The following ABCD3 variants were observed in gnomAD, a reference collection of about 807,000 sequenced individuals.
The protein encoded by ABCD3 is ATP binding cassette subfamily D member 3, also known as ATP-binding cassette sub-family D member 3.
ABCD3 carries 41 observed loss-of-function variants against 105.5 expected under a neutral mutation model. The observed-to-expected ratio is 0.39, with a 90% confidence interval of 0.30 to 0.50. The LOEUF is 0.50. Among genes scored for constraint, ABCD3 ranks in the 20% least tolerant of loss-of-function variants. The probability of loss-of-function intolerance (pLI) is 0.84; values close to 1 mark genes in which losing one functional copy is unlikely to be tolerated. For missense variants in ABCD3, 622 were observed against 806.3 expected, an observed-to-expected ratio of 0.77 and a Z score of 2.77; for synonymous variants, 258 against 269.0, an observed-to-expected ratio of 0.96 and a Z score of 0.40.
At chr1:94,425,100 C>A (rs1418605212) in intron 1 of ABCD3, among the ~76,000 whole-genome samples, 1 of 152,070 alleles carries the variant, frequency 6.6e-6, no homozygotes. Context: ...ACCACTTATA[C>A]CCCCTATATG....
chr1:94,501,098 C>T (rs1342436489), intron 20 of ABCD3, among the ~76,000 whole-genome samples: 1 of 151,672 alleles, frequency 6.6e-6, no homozygotes, highest in Non-Finnish European at 1.5e-5. Context: ...TATAAAAGTA[C>T]AGGAGGGATA....
rs527591181 is a variant in ABCD3 at position 94,478,838 on chromosome 1, C to T, written c.684+523C>T. On this transcript the variant is annotated intron_variant, in intron 8 of 22. Coordinates refer to ENST00000370214, the MANE Select transcript of ABCD3 (RefSeq NM_002858.4). ...TACATTTAGAGTGGGTGTAACAGTT[C>T]CAAGAATATTTTATAATGTAAATGG... The T allele has an allele frequency of 3.5e-5, 11 of 313,082 alleles. No homozygotes were observed. The South Asian group carries it at 1.5e-3, about 43-fold the overall frequency. 19.4% of individuals were successfully genotyped at this position (313,082 alleles called of 1,614,324 possible).
At chr1:94,422,534 C>A (rs1380620784) in intron 1 of ABCD3, among the ~76,000 whole-genome samples, 2 of 152,190 alleles carry the variant, frequency 1.3e-5, no homozygotes, top group Non-Finnish European at 2.9e-5. Flanking sequence ...CTAGCACTTA[C>A]CATTCTGTAT....
At chr1:94,412,172 A>T in the ABCD3 span, among the ~76,000 whole-genome samples, 23 of 152,248 alleles carry the variant, frequency 1.5e-4, no homozygotes, top group African/African-American at 2.6e-4. Context: ...CATTAAAAAA[A>T]TTTTTTTGAT....
At chr1:94,417,415 C>G (rs892416335), upstream of ABCD3, among the ~76,000 whole-genome samples, 2 of 152,206 alleles carry the variant, frequency 1.3e-5, no homozygotes, top group African/African-American at 4.8e-5. Flanking sequence ...TTGCTTTTCT[C>G]CAGTTTCCTC....
At chr1:94,416,572 C>A (rs574583241), upstream of ABCD3, among the ~76,000 whole-genome samples, 15 of 152,266 alleles carry the variant, frequency 9.9e-5, no homozygotes, top group African/African-American at 3.6e-4. Flanking sequence ...GTCTCAGTAG[C>A]AAAAGTTCTC....
At chr1:94,439,569 G>A (rs1570747301) in intron 1 of ABCD3, among the ~76,000 whole-genome samples, 1 of 152,232 alleles carries the variant, frequency 6.6e-6, no homozygotes, top group Non-Finnish European at 1.5e-5. Context: ...GGAGGTAGAG[G>A]TTGCAGTGAA....
chr1:94,395,915 C>G, the ABCD3 span, among the ~76,000 whole-genome samples: 1 of 152,006 alleles, frequency 6.6e-6, no homozygotes, highest in Non-Finnish European at 1.5e-5. Flanking sequence ...TACACACACA[C>G]AGAGACAGAC....
At chr1:94,491,346 A>C in intron 16 of ABCD3, 99 bp downstream of exon 16, 1 of 881,360 alleles carries the variant, frequency 1.1e-6, no homozygotes, top group Non-Finnish European at 1.8e-6. Context: ...GGCTCGACTT[A>C]GTCTCTGAAT....
rs1650144577 is a variant in ABCD3 at position 94,502,489 on chromosome 1, C to T, written c.1740+2875C>T. 3.1e-5 allele frequency among the ~76,000 whole-genome samples: 4 copies of T among 127,948 alleles called. No individual in the cohort carries two copies. The East Asian group carries it at 8.6e-4, about 27-fold the overall frequency. 83.9% of individuals were successfully genotyped at this position (127,948 alleles called of 152,430 possible). A position where few individuals can be genotyped will look rare whatever the true frequency, so the allele number is the denominator to read the frequency against. On this transcript the variant is annotated intron_variant, in intron 20 of 22. Transcript: ENST00000370214. Reference sequence around the variant, plus strand: ...TCCTGTGAGGTAAGAACTGGGAATGCCCCCCTAGTTTTTTTTTTTTTTTTT... The same window carrying T: ...TCCTGTGAGGTAAGAACTGGGAATGTCCCCCTAGTTTTTTTTTTTTTTTTT...
At chr1:94,487,074 G>C (rs935138708) in intron 10 of ABCD3, among the ~76,000 whole-genome samples, 1 of 152,184 alleles carries the variant, frequency 6.6e-6, no homozygotes, top group Non-Finnish European at 1.5e-5. Context: ...ACTCAGTTCA[G>C]ATTGGGTGTA....
the ABCD3 span, among the ~76,000 whole-genome samples, chr1:94,403,259 C>A: frequency 6.6e-6 from 1 of 152,072 alleles, no homozygotes; most frequent in Non-Finnish European, 1.5e-5. Flanking sequence ...TGGAATCTTG[C>A]ATAGGAGATG....
intron 20 of ABCD3, among the ~76,000 whole-genome samples, chr1:94,503,839 C>T (rs1180064581): frequency 2.0e-5 from 3 of 150,354 alleles, no homozygotes; most frequent in Non-Finnish European, 4.4e-5. Context: ...CACTGTTTCA[C>T]CTAGGCTGGA....
At chr1:94,485,442 T>G (rs2101016091) in intron 10 of ABCD3, among the ~76,000 whole-genome samples, 1 of 152,328 alleles carries the variant, frequency 6.6e-6, no homozygotes, top group South Asian at 2.1e-4. Context: ...AAATTGGATT[T>G]TTGCCTCGTC....
At chr1:94,499,416 C>T in intron 19 of ABCD3, 79 bp from the exon 20 acceptor site, 1 of 1,395,854 alleles carries the variant, frequency 7.2e-7, no homozygotes, top group Middle Eastern at 1.8e-4. Flanking sequence ...TATAGTGATT[C>T]CAGTTTAAAA....
At chr1:94,457,704 T>C (rs1647647897) in intron 1 of ABCD3, among the ~76,000 whole-genome samples, 1 of 152,148 alleles carries the variant, frequency 6.6e-6, no homozygotes, top group Non-Finnish European at 1.5e-5. Flanking sequence ...TTTCAGCCCA[T>C]CAGAGAGCAC....
chr1:94,459,688 G>A (rs1647773939), intron 2 of ABCD3, among the ~76,000 whole-genome samples: 1 of 152,048 alleles, frequency 6.6e-6, no homozygotes, highest in East Asian at 1.9e-4. Context: ...ACAGAGTTGT[G>A]TGGCTATCAC....
the ABCD3 span, among the ~76,000 whole-genome samples, chr1:94,390,812 G>C: frequency 6.6e-6 from 1 of 152,150 alleles, no homozygotes; most frequent in Non-Finnish European, 1.5e-5. Context: ...TCAGAAACCA[G>C]AGAAATAGCC....
At chr1:94,512,968 G>A (rs1010060189) in intron 21 of ABCD3, among the ~76,000 whole-genome samples, 1 of 152,016 alleles carries the variant, frequency 6.6e-6, no homozygotes, top group South Asian at 2.1e-4. Context: ...AGCAGCAGCA[G>A]TGTCACCTAG....
Sources: allele counts gnomAD v4.1 joint callset (sites outside exome capture counted in the v4.1 genomes callset), GRCh38; gene constraint gnomAD v4.1.1; transcripts MANE v1.5; gene names NCBI Gene and HGNC (gene_info 2026-07-23, HGNC 2026-07-21).